The following GABRB2 variants were observed in gnomAD, a reference collection of about 807,000 sequenced individuals.
The protein encoded by GABRB2 is gamma-aminobutyric acid type A receptor subunit beta2, also known as gamma-aminobutyric acid receptor subunit beta-2.
GABRB2 carries 16 observed loss-of-function variants against 54.7 expected under a neutral mutation model. The ratio of observed to expected loss-of-function variants is 0.29; its 90% CI spans 0.20 to 0.44. The LOEUF (loss-of-function observed/expected upper bound fraction) is 0.44, where lower values mean the gene tolerates loss of function less well. Ranked by LOEUF, GABRB2 falls within the 20% of genes least tolerant of loss-of-function variation. GABRB2 has a pLI of 1.00. For synonymous variants in GABRB2, 244 were observed against 233.8 expected (o/e 1.04, Z -0.40); for missense variants, 355 against 644.0 (o/e 0.55, Z 4.86).
chr5:161,373,747 C>T (rs188627724), intron 5 of GABRB2, among the ~76,000 whole-genome samples: 3 of 152,226 alleles, frequency 2.0e-5, no homozygotes, highest in Non-Finnish European at 4.4e-5. Context: ...GTTTATTCTA[C>T]AGCTTTTCCT....
At chr5:161,506,304 A>G (rs558786698) in intron 3 of GABRB2, among the ~76,000 whole-genome samples, 4 of 152,254 alleles carry the variant, frequency 2.6e-5, no homozygotes, top group African/African-American at 7.2e-5. Flanking sequence ...TAAGATGTCA[A>G]ATTTCCCCAG....
At chr5:161,370,613 G>C (rs952163246) in intron 5 of GABRB2, among the ~76,000 whole-genome samples, 12 of 152,142 alleles carry the variant, frequency 7.9e-5, no homozygotes, top group African/African-American at 2.9e-4. Context: ...CATTCAATTA[G>C]GACTTTTGGC....
At chr5:161,509,044 T>G (rs1367200388) in intron 3 of GABRB2, among the ~76,000 whole-genome samples, 1 of 151,956 alleles carries the variant, frequency 6.6e-6, no homozygotes, top group Non-Finnish European at 1.5e-5. Flanking sequence ...TAGATAGCTA[T>G]ATAAAGAAAT....
At chr5:161,300,205 G>A (rs111366434) in intron 9 of GABRB2, among the ~76,000 whole-genome samples, 1,539 of 152,176 alleles carry the variant, frequency 0.01, 27 homozygotes, top group African/African-American at 0.034. Context: ...TAAACTACCC[G>A]TAAGTTTATT....
At chr5:161,415,319 C>T (rs1756633539) in intron 4 of GABRB2, among the ~76,000 whole-genome samples, 1 of 152,184 alleles carries the variant, frequency 6.6e-6, no homozygotes, top group Non-Finnish European at 1.5e-5. Context: ...GAAGACCACC[C>T]TTGGGAAACA....
chr5:161,382,733 A>C (rs1261753463), intron 5 of GABRB2, among the ~76,000 whole-genome samples: 1 of 152,150 alleles, frequency 6.6e-6, no homozygotes, highest in African/African-American at 2.4e-5. Flanking sequence ...TCCCTTACAC[A>C]TTATTGGAAT....
At chr5:161,427,517 T>G (rs1757036885) in intron 4 of GABRB2, among the ~76,000 whole-genome samples, 1 of 152,162 alleles carries the variant, frequency 6.6e-6, no homozygotes, top group Admixed American at 6.6e-5. Flanking sequence ...TGGGGTTCTG[T>G]ACGTTCAAGT....
intron 5 of GABRB2, among the ~76,000 whole-genome samples, chr5:161,356,696 G>A (rs542539028): frequency 6.6e-6 from 1 of 152,130 alleles, no homozygotes; most frequent in Non-Finnish European, 1.5e-5. Flanking sequence ...GCAGAACAAT[G>A]AATCGCAGGT....
chr5:161,359,180 T>C (rs894696997), intron 5 of GABRB2, among the ~76,000 whole-genome samples: 5 of 152,132 alleles, frequency 3.3e-5, no homozygotes, highest in Non-Finnish European at 7.4e-5. Context: ...GCACACTTAG[T>C]CCAAACTGTT....
At chr5:161,299,113 G>T in intron 9 of GABRB2, among the ~76,000 whole-genome samples, 1 of 152,170 alleles carries the variant, frequency 6.6e-6, no homozygotes, top group Non-Finnish European at 1.5e-5. Flanking sequence ...GGATGGATAA[G>T]AATGTCTACA....
chr5:161,306,942 T>C (rs1476144350), intron 9 of GABRB2, among the ~76,000 whole-genome samples: 1 of 152,186 alleles, frequency 6.6e-6, no homozygotes, highest in African/African-American at 2.4e-5. Flanking sequence ...AGTGTGATTA[T>C]GGAACAAATG....
At chr5:161,325,725 T>A (rs1290269455) in intron 9 of GABRB2, among the ~76,000 whole-genome samples, 1 of 152,138 alleles carries the variant, frequency 6.6e-6, no homozygotes, top group Non-Finnish European at 1.5e-5. Flanking sequence ...CCAATTAAGA[T>A]CACCAACACA....
intron 4 of GABRB2, among the ~76,000 whole-genome samples, chr5:161,427,221 T>C (rs753135437): frequency 6.6e-6 from 1 of 152,106 alleles, no homozygotes; most frequent in Non-Finnish European, 1.5e-5. Flanking sequence ...ACAGATGTAA[T>C]AACAGTCTCC....
intron 3 of GABRB2, among the ~76,000 whole-genome samples, chr5:161,503,676 T>C (rs1192878887): frequency 1.5e-5 from 2 of 129,266 alleles, no homozygotes; most frequent in African/African-American, 6.2e-5. Context: ...GCCATTGCAC[T>C]CCCACCAGGG....
chr5:161,534,345 C>T (rs1487105126), intron 3 of GABRB2, among the ~76,000 whole-genome samples: 1 of 152,110 alleles, frequency 6.6e-6, no homozygotes, highest in African/African-American at 2.4e-5. Context: ...GTAAAGAAAA[C>T]CTGCTATAGA....
chr5:161,410,390 T>TCA (rs908008452), intron 5 of GABRB2, among the ~76,000 whole-genome samples: 132 of 59,860 alleles, frequency 2.2e-3, no homozygotes, highest in Non-Finnish European at 5.7e-3. Flanking sequence ...AACAGAATTC[T>TCA]CACACACACA....
rs186161450 is a variant in GABRB2, at chr5:161,494,381, A to C, written c.238-34537T>G. Among the ~76,000 whole-genome samples the C allele has an allele frequency of 3.6e-3, 540 of 151,984 alleles. 1 individual carries two copies. Among genetic ancestry groups the C allele is most frequent in the Non-Finnish European group, 5.7e-3 (388 of 67,844 alleles). ...ATTACGTAATAGATGAGAAGAGACCATGAGAGTTGACTTTATTTTTCTCCT... is the reference window on the plus strand; with the variant it reads ...ATTACGTAATAGATGAGAAGAGACCCTGAGAGTTGACTTTATTTTTCTCCT... On this transcript the variant is annotated intron_variant, in intron 3 of 9. Coordinates refer to ENST00000393959, the MANE Select transcript of GABRB2 (RefSeq NM_001371727.1).
At chr5:161,398,214 T>A (rs1025396219) in intron 5 of GABRB2, among the ~76,000 whole-genome samples, 1 of 152,222 alleles carries the variant, frequency 6.6e-6, no homozygotes, top group Non-Finnish European at 1.5e-5. Context: ...CTAATTTCAC[T>A]ATTTTGTATT....
intron 6 of GABRB2, 37 bp from the exon 7 acceptor site, chr5:161,334,941 C>T: frequency 6.3e-7 from 1 of 1,597,870 alleles, no homozygotes; most frequent in Non-Finnish European, 8.6e-7. Flanking sequence ...CATTATCAAT[C>T]AATATTTATA....
Sources: gnomAD v4.1 joint callset for allele counts (sites outside exome capture counted in the v4.1 genomes callset) on GRCh38, gnomAD v4.1.1 for gene constraint, MANE v1.5 for transcripts, NCBI Gene and HGNC (gene_info 2026-07-23, HGNC 2026-07-21) for gene names.